Variants in INTS10 observed in about 807,000 individuals in gnomAD.
INTS10 encodes the protein chromosome 8 open reading frame 35.
In INTS10, 44 loss-of-function variants were observed where a neutral mutation model predicts 94.4. That is an observed-to-expected ratio of 0.47 (90% CI 0.37 to 0.60). INTS10 has a LOEUF of 0.60. INTS10 is among the 20% of genes least tolerant of loss of function. The pLI is 0.00. For missense variants in INTS10, 797 were observed against 868.7 expected (o/e 0.92, Z 1.04); for synonymous variants, 341 against 320.7 (o/e 1.06, Z -0.68).
chr8:19,820,313 C>G (rs2066270913), intron 3 of INTS10, 66 bp from the exon 4 acceptor site: 1 of 1,506,440 alleles, frequency 6.6e-7, no homozygotes, highest in African/African-American at 1.4e-5. Context: ...ATGCCTTACT[C>G]AGCACTGTTG....
intron 9 of INTS10, among the ~76,000 whole-genome samples, chr8:19,828,173 C>T (rs1425719157): frequency 6.6e-6 from 1 of 152,086 alleles, no homozygotes; most frequent in African/African-American, 2.4e-5. Flanking sequence ...ACCACACCAC[C>T]GCCCTCCAGC....
intron 9 of INTS10, among the ~76,000 whole-genome samples, chr8:19,828,205 C>T (rs921732132): frequency 2.6e-5 from 4 of 152,178 alleles, no homozygotes; most frequent in East Asian, 1.9e-4. Flanking sequence ...AGGGAGACCC[C>T]GTCTATAAAA....
At chr8:19,833,718 A>C (rs1357131952) in intron 12 of INTS10, among the ~76,000 whole-genome samples, 2 of 152,160 alleles carry the variant, frequency 1.3e-5, no homozygotes, top group African/African-American at 4.8e-5. Flanking sequence ...TTTAAATGGT[A>C]ATAACACGCC....
rs1187383153 is a variant in INTS10 at position 19,830,449 on chromosome 8, A to G, written c.1184A>G (p.His395Arg). Residue 395 changes from histidine to arginine, a missense_variant, in exon 10 of 17, where the codon CAC becomes CGC. Physicochemically the swap from His to Arg is conservative, Grantham distance 29. Transcript: ENST00000397977. ...TGTTCGGCGAAAGGAAGAAATCGTC[A>G]CATTGTAGTCAATAAAGCCGAACTT... ...EDCSAKGRNR[H>R]IVVNKAELAN... 2 of 1,614,078 alleles carry G rather than the reference A, an allele frequency of 1.2e-6. No homozygotes were observed. The highest frequency in any genetic ancestry group is 1.7e-6 in the Non-Finnish European group (2 of 1,179,948).
chr8:19,841,722 C>A, intron 13 of INTS10: 1 of 428,096 alleles, frequency 2.3e-6, no homozygotes. Context: ...AACCAACTTC[C>A]CATGACCAAG....
In INTS10 at chr8:19,851,738, A is replaced by C; in HGVS notation, c.2066A>C (p.Asn689Thr). ...CGCCAGGTCTCCCGCTGTGGAGAGA[A>C]TCTGATGGTGGTTCTGCACAGGTTC... Reference protein sequence around the residue: ...MERQVSRCGENLMVVLHRFCI... With the variant: ...MERQVSRCGETLMVVLHRFCI... Residue 689 changes from asparagine (N) to threonine (T), a missense_variant, in exon 17 of 17, where the codon AAT (asparagine) becomes ACT (threonine). Physicochemically the swap from Asn to Thr is moderately conservative, Grantham distance 65. Coordinates refer to ENST00000397977, the MANE Select transcript of INTS10 (RefSeq NM_018142.4). The surrounding 1 kb of genome is among the most constrained non-coding windows in gnomAD (Gnocchi z 5.0). 6.2e-7 allele frequency: 1 copy of C among 1,614,124 alleles called. No individual in the cohort carries two copies.
intron 16 of INTS10, among the ~76,000 whole-genome samples, chr8:19,847,260 C>T (rs191652754): frequency 1.3e-5 from 2 of 152,250 alleles, no homozygotes; most frequent in Non-Finnish European, 2.9e-5. Flanking sequence ...TAAAAATACA[C>T]GAGACCTTTC....
In INTS10 at chr8:19,833,236, C is replaced by T. The variant is rs966604872; in HGVS notation, c.1445C>T (p.Pro482Leu). The change falls in exon 12 of 17, where the codon CCA (proline) becomes CTA (leucine). Residue 482 changes from proline (P) to leucine (L), a missense_variant. By Grantham distance (98) the Pro-to-Leu change is moderately conservative (BLOSUM62 -3). Transcript: ENST00000397977. ...LAALQGSISQ[P>L]QITGQGTLEH... Reference sequence around the variant, plus strand: ...GCTCTCCAGGGATCCATTTCTCAGCCACAGATCACAGGGCAGGGGACCCTG... The same window carrying T: ...GCTCTCCAGGGATCCATTTCTCAGCTACAGATCACAGGGCAGGGGACCCTG... 5.6e-6 allele frequency: 9 copies of T among 1,612,844 alleles called. No individual in the cohort carries two copies. Among genetic ancestry groups the T allele is most frequent in the Non-Finnish European group, 7.6e-6 (9 of 1,179,414 alleles).
At chr8:19,845,533 C>G in intron 15 of INTS10, 171 bp from the exon 16 acceptor site, 1 of 606,136 alleles carries the variant, frequency 1.6e-6, no homozygotes, top group Non-Finnish European at 3.0e-6. Context: ...AGTGGGGTAG[C>G]AATGGGCAAG....
Position 19,849,174 on chromosome 8 carries a change from T to C in INTS10, c.1977-2475T>C, listed in dbSNP as rs926924382. 1 of 1,289,424 alleles carries C rather than the reference T, an allele frequency of 7.8e-7. No individual in the cohort carries two copies. The highest frequency in any genetic ancestry group is 1.5e-5 in the African/African-American group (1 of 65,962). 79.9% of individuals were successfully genotyped at this position (1,289,424 alleles called of 1,614,324 possible). On this transcript the variant is annotated intron_variant, in intron 16 of 16. Transcript: ENST00000397977. This position sits in a 1 kb window ranked among gnomAD's most constrained non-coding sequence, Gnocchi z 4.6. ...CTGTTTTTTAAAGGCCTTCTAGCCCTCCCATGGGGTTACTGCAGCAGGAAT... is the reference window on the plus strand; with the variant it reads ...CTGTTTTTTAAAGGCCTTCTAGCCCCCCCATGGGGTTACTGCAGCAGGAAT...
chr8:19,830,280 T>G (rs1324301701), intron 9 of INTS10, 126 bp from the exon 10 acceptor site: 2 of 666,570 alleles, frequency 3.0e-6, no homozygotes, highest in Admixed American at 7.8e-5. Context: ...TTCAAAAAAA[T>G]TGTATGTATG....
rs934232523 is a variant in INTS10 at position 19,817,459 on chromosome 8, G to A, written c.-79G>A. On this transcript the variant is annotated 5_prime_UTR_variant, in exon 1 of 17. Transcript: ENST00000397977. Reference sequence around the variant, plus strand: ...CCCCCGCGGTGGCGGCGGCGGCGGCGGTGGCTGCCGTGGCGGCTGAGAGTC... The same window carrying A: ...CCCCCGCGGTGGCGGCGGCGGCGGCAGTGGCTGCCGTGGCGGCTGAGAGTC... The A allele has an allele frequency of 7.2e-6, 11 of 1,534,524 alleles. No homozygotes were observed. The East Asian group carries it at 2.4e-4, about 33-fold the overall frequency.
chr8:19,836,573 A>G (rs755748031), intron 12 of INTS10, among the ~76,000 whole-genome samples: 3 of 152,210 alleles, frequency 2.0e-5, no homozygotes, highest in Admixed American at 1.3e-4. Context: ...TTTAAGGCTT[A>G]GGTCAAGATA....
At chr8:19,844,680 A>G (rs1217010216) in intron 15 of INTS10, among the ~76,000 whole-genome samples, 3 of 152,174 alleles carry the variant, frequency 2.0e-5, no homozygotes, top group Non-Finnish European at 2.9e-5. Flanking sequence ...TTACCTACCA[A>G]TGAGTACCCA....
intron 15 of INTS10, chr8:19,845,497 T>G: frequency 1.7e-6 from 1 of 572,982 alleles, no homozygotes; most frequent in Non-Finnish European, 3.1e-6. Context: ...CAGACAGATC[T>G]GGGTTCAAAT....
rs1269688081 is a variant in INTS10, at chr8:19,819,560, A to C, written c.198-13A>C. 6 of 1,583,462 alleles carry C rather than the reference A, an allele frequency of 3.8e-6. No individual in the cohort carries two copies. Among genetic ancestry groups the C allele is most frequent in the Non-Finnish European group, 4.3e-6 (5 of 1,158,290 alleles). ...TTTGACATTTTAATTTAATGTATTT[A>C]TTTTAAAAATAGGTTTGTGAATTTC... On this transcript the variant is annotated splice_polypyrimidine_tract_variant and intron_variant, in intron 2 of 16. Transcript: ENST00000397977.
At position 19,849,764 on chromosome 8, in the gene INTS10, G is replaced by T. The variant is rs2128816728; in HGVS notation, c.1977-1885G>T. Among the ~76,000 whole-genome samples, 1 of 152,182 alleles carries T rather than the reference G, an allele frequency of 6.6e-6. No homozygotes were observed. The highest frequency in any genetic ancestry group is 1.9e-4 in the East Asian group (1 of 5,182). On this transcript the variant is annotated intron_variant, in intron 16 of 16. Coordinates refer to ENST00000397977, the MANE Select transcript of INTS10 (RefSeq NM_018142.4). The surrounding 1 kb of genome is among the most constrained non-coding windows in gnomAD (Gnocchi z 4.6). ...TTGAAAATATTTGATAGGCTAAAATGCCACATTTATTAGCTGGTTTATCCT... is the reference window on the plus strand; with the variant it reads ...TTGAAAATATTTGATAGGCTAAAATTCCACATTTATTAGCTGGTTTATCCT...
At chr8:19,850,651 A>G (rs2068952603) in intron 16 of INTS10, among the ~76,000 whole-genome samples, 1 of 152,116 alleles carries the variant, frequency 6.6e-6, no homozygotes, top group Admixed American at 6.5e-5. Flanking sequence ...AATCCTTATA[A>G]CTTTGTGTGA....
chr8:19,830,560 G>A lies in INTS10; in HGVS notation c.1294+1G>A. 6.2e-7 allele frequency: 1 copy of A among 1,609,894 alleles called. No individual in the cohort carries two copies. The highest frequency in any genetic ancestry group is 8.5e-7 in the Non-Finnish European group (1 of 1,178,444). The stretch of plus-strand genomic sequence containing the variant: ...TATTCCCTAGAATTCCTTGACAAAG[G>A]TAAGAAAGCGCATGTCATTGGTGCT... On this transcript the variant is annotated splice_donor_variant, in intron 10 of 16. Transcript: ENST00000397977. LOFTEE classifies it high-confidence loss of function.
Sources: gnomAD v4.1 joint callset for allele counts (sites outside exome capture counted in the v4.1 genomes callset) on GRCh38, gnomAD v4.1.1 for gene constraint, Gnocchi (gnomAD v3.1) non-coding constraint, MANE v1.5 for transcripts, NCBI Gene and HGNC (gene_info 2026-07-23, HGNC 2026-07-21) for gene names.